The following VAV2 variants were observed in gnomAD, a reference collection of about 807,000 sequenced individuals.
VAV2 encodes the protein vav guanine nucleotide exchange factor 2.
VAV2 carries 67 observed loss-of-function variants against 132.5 expected under a neutral mutation model. That is an observed-to-expected ratio of 0.51 (90% CI 0.42 to 0.62). The LOEUF (loss-of-function observed/expected upper bound fraction) is 0.62, where lower values mean the gene tolerates loss of function less well. Among genes scored for constraint, VAV2 ranks in the 20% least tolerant of loss-of-function variants. The probability of loss-of-function intolerance (pLI) is 0.00; values close to 1 mark genes in which losing one functional copy is unlikely to be tolerated. For synonymous variants in VAV2, 492 were observed against 443.5 expected (o/e 1.11, Z -1.37); for missense variants, 938 against 1,153.6 (o/e 0.81, Z 2.71).
intron 1 of VAV2, among the ~76,000 whole-genome samples, chr9:133,981,286 C>T (rs963422515): frequency 7.9e-5 from 12 of 152,232 alleles, no homozygotes; most frequent in Non-Finnish European, 2.9e-5. Flanking sequence ...CAGACAGGCA[C>T]TAGTGACCAC....
At chr9:133,958,561 G>A (rs1841865620) in intron 1 of VAV2, among the ~76,000 whole-genome samples, 1 of 132,256 alleles carries the variant, frequency 7.6e-6, no homozygotes, top group Non-Finnish European at 1.8e-5. Context: ...ACCCACGAAT[G>A]ACCAATAAAT....
At position 133,885,893 on chromosome 9, in the gene VAV2, A is replaced by T. The variant is rs904462378; in HGVS notation, c.322-24461T>A. ...TGACAACCAAACTCAGGTGTTCCTG[A>T]GTGTTCCTGAGAACCAGAGTTCTCA... is the stretch of plus-strand genomic sequence containing the variant. On this transcript the variant is annotated intron_variant, in intron 2 of 29. Transcript: ENST00000371850. This position sits in a 1 kb window ranked among gnomAD's most constrained non-coding sequence, Gnocchi z 5.0. Among the ~76,000 whole-genome samples the T allele has an allele frequency of 2.6e-5, 4 of 151,830 alleles. No homozygotes were observed. Among genetic ancestry groups the T allele is most frequent in the African/African-American group, 4.9e-5 (2 of 41,114 alleles).
chr9:133,845,202 C>T (rs1436275447), intron 3 of VAV2, among the ~76,000 whole-genome samples: 1 of 152,254 alleles, frequency 6.6e-6, no homozygotes, highest in East Asian at 1.9e-4. Flanking sequence ...GTGTCCCACC[C>T]TGGCCAGAGG....
chr9:133,963,115 G>C (rs1564506224), intron 1 of VAV2, among the ~76,000 whole-genome samples: 1 of 152,188 alleles, frequency 6.6e-6, no homozygotes, highest in Non-Finnish European at 1.5e-5. Flanking sequence ...TTGGAGCAAA[G>C]GCCCTTTGCA....
chr9:133,973,037 C>G (rs988115544), intron 1 of VAV2, among the ~76,000 whole-genome samples: 1 of 152,124 alleles, frequency 6.6e-6, no homozygotes, highest in Admixed American at 6.5e-5. Context: ...CAACCAGCCT[C>G]CCTCCTGGAG....
At chr9:133,822,332 G>A (rs953830784) in intron 4 of VAV2, among the ~76,000 whole-genome samples, 3 of 152,172 alleles carry the variant, frequency 2.0e-5, no homozygotes, top group East Asian at 1.9e-4. Context: ...CTAGGAAACC[G>A]AGTCGGATGT....
intron 4 of VAV2, among the ~76,000 whole-genome samples, chr9:133,821,040 GA>G (rs1460705505): frequency 6.6e-6 from 1 of 152,192 alleles, no homozygotes; most frequent in Non-Finnish European, 1.5e-5. Context: ...CCCAGTCCTT[GA>G]AAAGCACCTC....
At position 133,896,221 on chromosome 9, in the gene VAV2, G is replaced by C. The variant is rs187169283; in HGVS notation, c.322-34789C>G. ...TATAATCCCAGCACTTTGGGAGCGC[G>C]AGGCATGCGGATCACTTGAGGTCAG... is the stretch of plus-strand genomic sequence containing the variant. On this transcript the variant is annotated intron_variant, in intron 2 of 29. Coordinates refer to ENST00000371850, the MANE Select transcript of VAV2 (RefSeq NM_001134398.2). Among the ~76,000 whole-genome samples, 451 of 152,324 alleles carry C rather than the reference G, an allele frequency of 3.0e-3. 1 individual carries two copies. Among genetic ancestry groups the C allele is most frequent in the African/African-American group, 0.01 (427 of 41,578 alleles).
chr9:133,893,265 G>A (rs1490883328), intron 2 of VAV2, among the ~76,000 whole-genome samples: 1 of 152,216 alleles, frequency 6.6e-6, no homozygotes, highest in Non-Finnish European at 1.5e-5. Context: ...CCCCACAGCT[G>A]CAGGGTGGAG....
intron 2 of VAV2, among the ~76,000 whole-genome samples, chr9:133,882,861 C>A (rs1838553650): frequency 1.3e-5 from 2 of 152,132 alleles, no homozygotes; most frequent in Non-Finnish European, 2.9e-5. Flanking sequence ...TGAGACAGGA[C>A]CCCCAGGGAG....
intron 2 of VAV2, among the ~76,000 whole-genome samples, chr9:133,932,249 A>G (rs1840713787): frequency 6.6e-6 from 1 of 152,218 alleles, no homozygotes; most frequent in African/African-American, 2.4e-5. Context: ...GCCCAGACAC[A>G]GGGCACAGAG....
At chr9:133,894,016 C>T (rs770481663) in intron 2 of VAV2, among the ~76,000 whole-genome samples, 63 of 152,326 alleles carry the variant, frequency 4.1e-4, no homozygotes, top group Non-Finnish European at 7.3e-4. Context: ...AAGGCCACCC[C>T]GCCAAGCAGC....
At chr9:133,829,487 A>G (rs962439444) in intron 4 of VAV2, among the ~76,000 whole-genome samples, 1 of 152,258 alleles carries the variant, frequency 6.6e-6, no homozygotes, top group African/African-American at 2.4e-5. Context: ...GACAAGCTGC[A>G]GTGACCTGCG....
chr9:133,781,363 C>T (rs1446455077), intron 19 of VAV2, among the ~76,000 whole-genome samples: 1 of 152,252 alleles, frequency 6.6e-6, no homozygotes. Flanking sequence ...AGGAGCCCAA[C>T]AGCTCACACA....
chr9:133,972,385 G>A (rs1164269189), intron 1 of VAV2, among the ~76,000 whole-genome samples: 2 of 152,242 alleles, frequency 1.3e-5, no homozygotes, highest in Non-Finnish European at 2.9e-5. Context: ...CTGGGGCAGG[G>A]CAGGGGTGGG....
chr9:133,788,566 G>C lies in VAV2; in HGVS notation c.1275-80C>G. The C allele has an allele frequency of 6.4e-7, 1 of 1,552,820 alleles. No individual in the cohort carries two copies. Among genetic ancestry groups the C allele is most frequent in the Non-Finnish European group, 8.8e-7 (1 of 1,140,108 alleles). On this transcript the variant is annotated intron_variant, in intron 14 of 29. Coordinates refer to ENST00000371850, the MANE Select transcript of VAV2 (RefSeq NM_001134398.2). This position sits in a 1 kb window ranked among gnomAD's most constrained non-coding sequence, Gnocchi z 5.3. The stretch of plus-strand genomic sequence containing the variant: ...CGAGGAGGCGGCAGGAGCTGAGCCT[G>C]AGGCTCTGGCACGCGGCTCCCTCTC...
At chr9:133,901,318 C>G (rs896835124) in intron 2 of VAV2, among the ~76,000 whole-genome samples, 1 of 152,224 alleles carries the variant, frequency 6.6e-6, no homozygotes, top group African/African-American at 2.4e-5. Context: ...CGTCTCCTCC[C>G]GAGCCTCAGA....
chr9:133,803,493 C>A (rs1424451143), intron 9 of VAV2, among the ~76,000 whole-genome samples: 1 of 152,166 alleles, frequency 6.6e-6, no homozygotes, highest in Non-Finnish European at 1.5e-5. Context: ...AACCACACGG[C>A]TTTGTCTTAT....
At chr9:133,911,510 T>A (rs753432772) in intron 2 of VAV2, among the ~76,000 whole-genome samples, 1 of 152,188 alleles carries the variant, frequency 6.6e-6, no homozygotes, top group Non-Finnish European at 1.5e-5. Context: ...TTTTTACATA[T>A]GTACACACCC....
Sources: allele counts gnomAD v4.1 joint callset (sites outside exome capture counted in the v4.1 genomes callset), GRCh38; gene constraint gnomAD v4.1.1; non-coding constraint Gnocchi (gnomAD v3.1); transcripts MANE v1.5; gene names NCBI Gene and HGNC (gene_info 2026-07-23, HGNC 2026-07-21).